C1QTNF7: variants seen among roughly 807,000 people sequenced by gnomAD.
C1QTNF7 encodes complement C1q tumor necrosis factor-related protein 7.
Under a neutral mutation model 19.6 loss-of-function variants are expected in C1QTNF7, and 15 were observed. The observed-to-expected ratio is 0.76, with a 90% CI of 0.51 to 1.18. The LOEUF is 1.18. Ranked by LOEUF, C1QTNF7 falls within the 50% of genes most tolerant of loss-of-function variation. The probability of loss-of-function intolerance (pLI) is 0.00; values close to 1 mark genes in which losing one functional copy is unlikely to be tolerated. For synonymous variants in C1QTNF7, 142 were observed against 137.5 expected (o/e 1.03, Z -0.23); for missense variants, 324 against 359.7 (o/e 0.90, Z 0.80).
intron 1 of C1QTNF7, among the ~76,000 whole-genome samples, chr4:15,367,254 T>C (rs1160633410): frequency 1.3e-5 from 2 of 152,216 alleles, no homozygotes; most frequent in African/African-American, 4.8e-5. Context: ...ATTATACTTT[T>C]GAGAGTGATA....
intron 1 of C1QTNF7, among the ~76,000 whole-genome samples, chr4:15,407,450 G>T (rs1436948595): frequency 1.3e-5 from 2 of 152,130 alleles, no homozygotes; most frequent in African/African-American, 4.8e-5. Context: ...CAAAGACCTG[G>T]CTTGTTTACC....
intron 1 of C1QTNF7, among the ~76,000 whole-genome samples, chr4:15,347,860 G>C (rs111329811): frequency 1.2e-3 from 184 of 152,248 alleles, no homozygotes; most frequent in African/African-American, 4.2e-3. Context: ...AAAACATTGA[G>C]ATCATTTCTT....
intron 1 of C1QTNF7, among the ~76,000 whole-genome samples, chr4:15,363,307 T>A (rs1353090026): frequency 6.6e-6 from 1 of 152,044 alleles, no homozygotes; most frequent in African/African-American, 2.4e-5. Flanking sequence ...TTTAAAGACA[T>A]GTTTAATTGT....
intron 1 of C1QTNF7, among the ~76,000 whole-genome samples, chr4:15,406,442 C>A (rs1046330699): frequency 6.6e-6 from 1 of 152,118 alleles, no homozygotes; most frequent in African/African-American, 2.4e-5. Flanking sequence ...TATGTGTGCT[C>A]GCTGCTCTCA....
chr4:15,401,905 G>A (rs1429370373), intron 1 of C1QTNF7, among the ~76,000 whole-genome samples: 1 of 152,076 alleles, frequency 6.6e-6, no homozygotes, highest in African/African-American at 2.4e-5. Context: ...TTACAGACAA[G>A]ACAACACAAA....
intron 1 of C1QTNF7, among the ~76,000 whole-genome samples, chr4:15,378,659 T>C (rs1417224819): frequency 6.6e-6 from 1 of 152,174 alleles, no homozygotes; most frequent in Non-Finnish European, 1.5e-5. Context: ...GAATTAATTG[T>C]GAGGCTTCAC....
intron 1 of C1QTNF7, among the ~76,000 whole-genome samples, chr4:15,380,567 A>C (rs1339366470): frequency 6.6e-6 from 1 of 152,236 alleles, no homozygotes; most frequent in Non-Finnish European, 1.5e-5. Flanking sequence ...AAACTGTGTA[A>C]GTAATAGGGT....
At chr4:15,372,153 T>C (rs1421341853) in intron 1 of C1QTNF7, among the ~76,000 whole-genome samples, 3 of 152,212 alleles carry the variant, frequency 2.0e-5, no homozygotes, top group African/African-American at 7.2e-5. Context: ...TCCCTTCTTT[T>C]ACTTCCCGCA....
At chr4:15,412,413 C>T (rs1435245821) in intron 1 of C1QTNF7, among the ~76,000 whole-genome samples, 1 of 151,972 alleles carries the variant, frequency 6.6e-6, no homozygotes, top group Non-Finnish European at 1.5e-5. Context: ...AGGCTTCCCA[C>T]ATTTTCTGGC....
chr4:15,379,244 G>T (rs574246972), intron 1 of C1QTNF7, among the ~76,000 whole-genome samples: 1 of 152,268 alleles, frequency 6.6e-6, no homozygotes, highest in African/African-American at 2.4e-5. Context: ...TAGGAAATTG[G>T]AGTTAATTTG....
intron 1 of C1QTNF7, among the ~76,000 whole-genome samples, chr4:15,396,393 AGCTCCATCTGGAGGTCAG>A (rs950013826): frequency 2.8e-4 from 42 of 152,258 alleles, no homozygotes; most frequent in African/African-American, 9.9e-4. Flanking sequence ...AGAGCAGGAG[AGCTCCATCTGGAGGTCAG>A]GCGAAGTAGT....
At chr4:15,418,589 C>T (rs1191288610) in intron 1 of C1QTNF7, among the ~76,000 whole-genome samples, 1 of 152,166 alleles carries the variant, frequency 6.6e-6, no homozygotes, top group Non-Finnish European at 1.5e-5. Context: ...TTTCGCTGAT[C>T]TCCCAAACCA....
chr4:15,341,873 GCA>G (rs1716552383), intron 1 of C1QTNF7, among the ~76,000 whole-genome samples: 1 of 152,220 alleles, frequency 6.6e-6, no homozygotes, highest in Non-Finnish European at 1.5e-5. Flanking sequence ...GCAGAGAAAT[GCA>G]CAGTGTGGCA....
chr4:15,382,126 G>A (rs1718171262), intron 1 of C1QTNF7, among the ~76,000 whole-genome samples: 1 of 152,178 alleles, frequency 6.6e-6, no homozygotes, highest in Admixed American at 6.5e-5. Context: ...CTGTGTCGCT[G>A]TGATGTGAAA....
Position 15,357,748 on chromosome 4 carries a change from C to G in C1QTNF7, c.13+17541C>G, listed in dbSNP as rs976041253. On this transcript the variant is annotated intron_variant, in intron 1 of 2. Coordinates refer to the C1QTNF7 transcript ENST00000295297. ...ATGTTTTTCCATTTCTTTGTGTCCTCTCTTATTTCCTTGAGCAGTGGTTTA... is the reference window on the plus strand; with the variant it reads ...ATGTTTTTCCATTTCTTTGTGTCCTGTCTTATTTCCTTGAGCAGTGGTTTA... Among the ~76,000 whole-genome samples the G allele has an allele frequency of 7.2e-5, 11 of 152,256 alleles. No homozygotes were observed. The East Asian group carries it at 2.1e-3, about 29-fold the overall frequency.
chr4:15,440,489 C>A (rs1329606872), intron 2 of C1QTNF7, among the ~76,000 whole-genome samples: 2 of 151,008 alleles, frequency 1.3e-5, no homozygotes, highest in African/African-American at 4.9e-5. Flanking sequence ...CTCGCTGCAA[C>A]CTCCGCCTCC....
In C1QTNF7 at chr4:15,445,776, G is replaced by C. The variant is rs771835903; in HGVS notation, c.*2977G>C. The C allele has an allele frequency of 2.7e-4, 41 of 152,152 alleles. No individual in the cohort carries two copies. Among genetic ancestry groups the C allele is most frequent in the Non-Finnish European group, 5.7e-4 (39 of 68,026 alleles). The allele number at this position is 152,152 out of a possible 1,614,324, so 9.4% of individuals were successfully genotyped here. ...CTCATTGCAATCATTCTTTGTAAAGGCTGACTTGTAATGAATATGTATTAA... is the reference window on the plus strand; with the variant it reads ...CTCATTGCAATCATTCTTTGTAAAGCCTGACTTGTAATGAATATGTATTAA... On this transcript the variant is annotated 3_prime_UTR_variant, in exon 3 of 3. Transcript: ENST00000444304.
chr4:15,364,196 A>G (rs1215576563), intron 1 of C1QTNF7, among the ~76,000 whole-genome samples: 1 of 152,188 alleles, frequency 6.6e-6, no homozygotes, highest in Admixed American at 6.5e-5. Context: ...TAGAGCTATA[A>G]TGACATTGTT....
intron 2 of C1QTNF7, among the ~76,000 whole-genome samples, chr4:15,439,146 T>C (rs1382369924): frequency 6.6e-6 from 1 of 152,198 alleles, no homozygotes; most frequent in African/African-American, 2.4e-5. Flanking sequence ...CAATGACTCA[T>C]CCCTTCTTTC....
Sources: allele counts gnomAD v4.1 joint callset (sites outside exome capture counted in the v4.1 genomes callset), GRCh38; gene constraint gnomAD v4.1.1; transcripts MANE v1.5; gene names NCBI Gene and HGNC (gene_info 2026-07-23, HGNC 2026-07-21).